CACNA1C: variants seen among roughly 807,000 people sequenced by gnomAD.
CACNA1C encodes the protein voltage-dependent L-type calcium channel subunit alpha-1C.
CACNA1C carries 30 observed loss-of-function variants against 229.0 expected under a neutral mutation model. The ratio of observed to expected loss-of-function variants is 0.13; its 90% confidence interval spans 0.10 to 0.18. The LOEUF (loss-of-function observed/expected upper bound fraction) is 0.18. Ranked by LOEUF, CACNA1C falls within the 10% of genes least tolerant of loss-of-function variation. The pLI is 1.00. For synonymous variants in CACNA1C, 1,114 were observed against 1,132.5 expected, an observed-to-expected ratio of 0.98 and a Z score of 0.33; for missense variants, 1,658 against 2,845.0, an observed-to-expected ratio of 0.58 and a Z score of 9.49.
chr12:2,573,228 T>G (rs553948766), intron 13 of CACNA1C, among the ~76,000 whole-genome samples: 2 of 152,272 alleles, frequency 1.3e-5, no homozygotes, highest in Non-Finnish European at 2.9e-5. Flanking sequence ...TTTTATTTTT[T>G]GTAGAGATGG....
chr12:2,149,447 T>C (rs1303626898), intron 3 of CACNA1C, among the ~76,000 whole-genome samples: 1 of 152,176 alleles, frequency 6.6e-6, no homozygotes, highest in East Asian at 1.9e-4. Flanking sequence ...CTCTACTGGA[T>C]GGTGTTTTGG....
intron 13 of CACNA1C, among the ~76,000 whole-genome samples, chr12:2,569,334 A>T (rs929910983): frequency 6.6e-6 from 1 of 151,594 alleles, no homozygotes; most frequent in Non-Finnish European, 1.5e-5. Context: ...TATCCCATAT[A>T]TTTACCCCTT....
chr12:2,428,554 C>T (rs993100671), intron 3 of CACNA1C, among the ~76,000 whole-genome samples: 1 of 152,184 alleles, frequency 6.6e-6, no homozygotes, highest in African/African-American at 2.4e-5. Flanking sequence ...TGTGGCATCT[C>T]AAAGGCGGGG....
At chr12:2,611,587 G>A (rs2077831851) in intron 28 of CACNA1C, among the ~76,000 whole-genome samples, 1 of 152,106 alleles carries the variant, frequency 6.6e-6, no homozygotes, top group Non-Finnish European at 1.5e-5. Context: ...TGTGGAGGGA[G>A]GTGGGTTCTG....
Position 2,677,590 on chromosome 12 carries a change from C to G in CACNA1C, c.4957-143C>G. Reference sequence around the variant, plus strand: ...GGCAGCCCAGCCCCCAGTTCACACACACACAAACCTTCCGGAGGGTCGACT... The same window carrying G: ...GGCAGCCCAGCCCCCAGTTCACACAGACACAAACCTTCCGGAGGGTCGACT... On this transcript the variant is annotated intron_variant, in intron 40 of 46. Transcript: ENST00000399655. This position sits in a 1 kb window ranked among gnomAD's most constrained non-coding sequence, Gnocchi z 7.4. The G allele has an allele frequency of 1.1e-6, 1 of 936,326 alleles. No individual in the cohort carries two copies. The highest frequency in any genetic ancestry group is 1.6e-6 in the Non-Finnish European group (1 of 611,916). The allele number at this position is 936,326 out of a possible 1,614,324, so 58.0% of individuals were successfully genotyped here.
intron 5 of CACNA1C, among the ~76,000 whole-genome samples, chr12:2,472,334 C>T (rs992576877): frequency 2.0e-5 from 3 of 152,106 alleles, no homozygotes; most frequent in Non-Finnish European, 4.4e-5. Context: ...TTCCACAGAT[C>T]AGTTCATTTC....
At chr12:2,593,777 T>C (rs886334232) in intron 19 of CACNA1C, among the ~76,000 whole-genome samples, 1 of 152,248 alleles carries the variant, frequency 6.6e-6, no homozygotes, top group Non-Finnish European at 1.5e-5. Flanking sequence ...CTTACTGTTA[T>C]ATAGATACTG....
chr12:2,581,927 G>A lies in CACNA1C; in HGVS notation c.2103+130G>A, dbSNP rs1257123369. 1.7e-5 allele frequency: 10 copies of A among 575,432 alleles called. No homozygotes were observed. In the Admixed American group the frequency reaches 2.4e-4, roughly 14 times the overall value. 35.6% of individuals were successfully genotyped at this position (575,432 alleles called of 1,614,324 possible). The stretch of plus-strand genomic sequence containing the variant: ...CCTAGATCAGCCCTGGAGAGCCCAT[G>A]CCCGGGAGAGTCTTGAGTTTTTTCT... On this transcript the variant is annotated intron_variant, in intron 14 of 46. Transcript: ENST00000399655.
At chr12:2,435,597 C>T (rs563173445) in intron 3 of CACNA1C, among the ~76,000 whole-genome samples, 18 of 152,316 alleles carry the variant, frequency 1.2e-4, no homozygotes, top group Middle Eastern at 3.4e-3. Flanking sequence ...TGGAGTTGCA[C>T]CCCGAGTGCT....
intron 3 of CACNA1C, among the ~76,000 whole-genome samples, chr12:2,280,946 G>C (rs1396313985): frequency 6.6e-6 from 1 of 152,214 alleles, no homozygotes; most frequent in African/African-American, 2.4e-5. Context: ...AACAGTTGCT[G>C]TAGGGCTCAT....
intron 38 of CACNA1C, among the ~76,000 whole-genome samples, chr12:2,672,431 G>A (rs193132923): frequency 7.2e-4 from 109 of 152,316 alleles, no homozygotes; most frequent in Middle Eastern, 3.4e-3. Flanking sequence ...AAACTGGGCA[G>A]CTGGAAACAA....
intron 3 of CACNA1C, among the ~76,000 whole-genome samples, chr12:2,132,619 G>A (rs1306612808): frequency 4.8e-5 from 2 of 42,082 alleles, no homozygotes; most frequent in Non-Finnish European, 8.5e-5. Flanking sequence ...ATTGATTTGC[G>A]TATATTGAAC....
chr12:2,576,408 G>A (rs2058406080), intron 13 of CACNA1C, among the ~76,000 whole-genome samples: 1 of 152,206 alleles, frequency 6.6e-6, no homozygotes. Context: ...GCACTGCTCT[G>A]ATGAGAGAGT....
At chr12:2,452,856 A>G (rs2099391037) in intron 4 of CACNA1C, among the ~76,000 whole-genome samples, 3 of 152,188 alleles carry the variant, frequency 2.0e-5, no homozygotes, top group African/African-American at 7.2e-5. Context: ...TGCATTTGGA[A>G]TGTTGTTTGA....
In CACNA1C at chr12:2,356,182, G is replaced by C. The variant is rs553919388; in HGVS notation, c.478-92794G>C. 2.0e-5 allele frequency among the ~76,000 whole-genome samples: 3 copies of C among 152,366 alleles called. No individual in the cohort carries two copies. In the South Asian group the frequency reaches 6.2e-4, roughly 32 times the overall value. Reference sequence around the variant, plus strand: ...GCTTCACAATCAAGAAGTGGCCTCCGTGACCTAGACTGGGGACTTAGGGAT... The same window carrying C: ...GCTTCACAATCAAGAAGTGGCCTCCCTGACCTAGACTGGGGACTTAGGGAT... On this transcript the variant is annotated intron_variant, in intron 3 of 46. Transcript: ENST00000399655.
chr12:2,635,240 T>C (rs115742156), intron 30 of CACNA1C, among the ~76,000 whole-genome samples: 5,068 of 152,274 alleles, frequency 0.033, 290 homozygotes, highest in African/African-American at 0.11. Flanking sequence ...CAAGGCCTCC[T>C]GCCACCTCCT....
At chr12:2,390,910 T>C (rs1384864862) in intron 3 of CACNA1C, among the ~76,000 whole-genome samples, 1 of 152,010 alleles carries the variant, frequency 6.6e-6, no homozygotes, top group Admixed American at 6.5e-5. Context: ...CTGGTGAAGG[T>C]GTGGAGAAGG....
At chr12:2,611,647 C>G (rs2077863932) in intron 28 of CACNA1C, among the ~76,000 whole-genome samples, 1 of 152,006 alleles carries the variant, frequency 6.6e-6, no homozygotes, top group Non-Finnish European at 1.5e-5. Context: ...CTCTTGAGTG[C>G]CAGAGTCTCC....
chr12:2,396,160 C>T (rs542240804), intron 3 of CACNA1C, among the ~76,000 whole-genome samples: 90 of 152,026 alleles, frequency 5.9e-4, no homozygotes, highest in Non-Finnish European at 1.1e-3. Flanking sequence ...CTCTGATGGT[C>T]TTTTAGGGTG....
Sources: allele counts gnomAD v4.1 joint callset (sites outside exome capture counted in the v4.1 genomes callset), GRCh38; gene constraint gnomAD v4.1.1; non-coding constraint Gnocchi (gnomAD v3.1); transcripts MANE v1.5; gene names NCBI Gene and HGNC (gene_info 2026-07-23, HGNC 2026-07-21).